UBE3C: variants seen among roughly 807,000 people sequenced by gnomAD.
UBE3C encodes ubiquitin-protein ligase E3C.
A neutral mutation model predicts 129.4 loss-of-function variants in UBE3C; 42 were observed. The observed-to-expected ratio is 0.32, with a 90% confidence interval of 0.25 to 0.42. UBE3C has a LOEUF of 0.42. Ranked by LOEUF, UBE3C falls within the 10% of genes least tolerant of loss-of-function variation. UBE3C has a pLI of 1.00. For synonymous variants in UBE3C, 510 were observed against 492.4 expected, an observed-to-expected ratio of 1.04 and a Z score of -0.47; for missense variants, 1,049 against 1,319.1, an observed-to-expected ratio of 0.80 and a Z score of 3.17.
intron 1 of UBE3C, among the ~76,000 whole-genome samples, chr7:157,163,218 T>C (rs1313969034): frequency 6.6e-6 from 1 of 151,738 alleles, no homozygotes; most frequent in African/African-American, 2.4e-5. Context: ...ACCCCGTCTC[T>C]ACTAAAAAAA....
intron 1 of UBE3C, among the ~76,000 whole-genome samples, chr7:157,162,026 C>T (rs1381642077): frequency 6.6e-6 from 1 of 151,770 alleles, no homozygotes. Flanking sequence ...GCCAAGATCG[C>T]CACTACACTC....
intron 1 of UBE3C, among the ~76,000 whole-genome samples, chr7:157,142,499 G>T (rs913996984): frequency 3.3e-5 from 5 of 152,172 alleles, no homozygotes; most frequent in Admixed American, 6.5e-5. Flanking sequence ...AAGTAGAATT[G>T]TTTGGAGCTT....
chr7:157,205,860 G>T (rs1809419267), intron 11 of UBE3C, among the ~76,000 whole-genome samples: 1 of 152,138 alleles, frequency 6.6e-6, no homozygotes, highest in Non-Finnish European at 1.5e-5. Flanking sequence ...GTTGATGATG[G>T]CAGTGCCCTC....
intron 18 of UBE3C, among the ~76,000 whole-genome samples, chr7:157,233,883 A>G (rs1796086234): frequency 6.6e-6 from 1 of 152,214 alleles, no homozygotes; most frequent in Non-Finnish European, 1.5e-5. Context: ...CTTTTTCATT[A>G]CAGCCATTCT....
intron 18 of UBE3C, among the ~76,000 whole-genome samples, chr7:157,237,863 A>G (rs554734539): frequency 6.6e-5 from 10 of 151,028 alleles, no homozygotes; most frequent in Middle Eastern, 3.4e-3. Context: ...CTAGGCATAC[A>G]TAGGGAGACC....
chr7:157,266,490 G>A (rs965162177), intron 22 of UBE3C, among the ~76,000 whole-genome samples: 8 of 152,024 alleles, frequency 5.3e-5, no homozygotes, highest in African/African-American at 1.7e-4. Flanking sequence ...TCCACTTCTC[G>A]TGAGTCATCT....
intron 1 of UBE3C, among the ~76,000 whole-genome samples, chr7:157,155,419 A>C (rs528525696): frequency 6.6e-6 from 1 of 152,154 alleles, no homozygotes; most frequent in Non-Finnish European, 1.5e-5. Context: ...AAAACCTCAC[A>C]GTTTTTTGGG....
chr7:157,220,720 A>C lies in UBE3C; in HGVS notation c.1946A>C (p.His649Pro). 3 of 1,614,128 alleles carry C rather than the reference A, an allele frequency of 1.9e-6. No individual in the cohort carries two copies. Among genetic ancestry groups the C allele is most frequent in the Non-Finnish European group, 2.5e-6 (3 of 1,179,972 alleles). Residue 649 changes from histidine to proline, a missense_variant, in exon 15 of 23, where the codon CAT becomes CCT. His to Pro is a moderately conservative substitution (Grantham distance 77). Coordinates refer to ENST00000348165, the MANE Select transcript of UBE3C (RefSeq NM_014671.3). ...VTQLYVPASRHVWRFRRMGRI... is the reference protein window; with the variant it reads ...VTQLYVPASRPVWRFRRMGRI... ...CAGCTCTATGTGCCAGCATCCAGAC[A>C]TGTGTGGAGGTTCCGGCGGATGGGG...
Position 157,248,552 on chromosome 7 carries a change from T to C in UBE3C, c.2666T>C (p.Val889Ala). The C allele has an allele frequency of 1.2e-6, 2 of 1,612,560 alleles. No individual in the cohort carries two copies. The highest frequency in any genetic ancestry group is 1.7e-6 in the Non-Finnish European group (2 of 1,180,010). ...GAGGAGCTTGGGCTGAACTTCACTGTGGTGAACAATGACCTGGGAGAGGCG... is the reference window on the plus strand; with the variant it reads ...GAGGAGCTTGGGCTGAACTTCACTGCGGTGAACAATGACCTGGGAGAGGCG... The part of the protein sequence containing the change: ...DVEELGLNFT[V>A]VNNDLGEAQV... The change falls in exon 19 of 23, where the codon GTG becomes GCG. Residue 889 changes from valine to alanine, a missense_variant. By Grantham distance (64) the Val-to-Ala change is moderately conservative. Around this residue, in one of 4 missense-constraint regions of UBE3C, gnomAD observed 243 missense variants for 368.7 expected, o/e 0.66. Coordinates refer to ENST00000348165, the MANE Select transcript of UBE3C (RefSeq NM_014671.3).
At chr7:157,183,817 G>A (rs759537194) in intron 8 of UBE3C, 61 bp from the exon 9 acceptor site, 13 of 1,552,976 alleles carry the variant, frequency 8.4e-6, no homozygotes, top group East Asian at 2.3e-5. Flanking sequence ...TGGCGTCTTC[G>A]TTTTCCATTT....
In UBE3C at chr7:157,223,303, T is replaced by C; in HGVS notation, c.2052T>C (p.Ala684=). 1.2e-6 allele frequency: 2 copies of C among 1,614,156 alleles called. No individual in the cohort carries two copies. Among genetic ancestry groups the C allele is most frequent in the Non-Finnish European group, 1.7e-6 (2 of 1,180,002 alleles). ...PLSVSEERQL[A]VLTELPFVVP... ...CTGTGTCTGAGGAAAGACAGCTTGC[T>C]GTCCTGACAGAGTTGCCTTTTGTGG... is the stretch of plus-strand genomic sequence containing the variant. The change falls in exon 16 of 23, where the codon GCT becomes GCC. Residue 684 remains alanine (A), a synonymous_variant. Coordinates refer to ENST00000348165, the MANE Select transcript of UBE3C (RefSeq NM_014671.3).
At chr7:157,217,398 T>C (rs913721519) in intron 14 of UBE3C, among the ~76,000 whole-genome samples, 2 of 151,198 alleles carry the variant, frequency 1.3e-5, no homozygotes, top group Non-Finnish European at 2.9e-5. Context: ...GTGATCTTCC[T>C]ACCTTGGCCT....
intron 10 of UBE3C, among the ~76,000 whole-genome samples, chr7:157,196,223 C>T (rs760232796): frequency 6.6e-6 from 1 of 152,194 alleles, no homozygotes; most frequent in Non-Finnish European, 1.5e-5. Context: ...TCCTATGCAA[C>T]GCTGCCGACA....
chr7:157,196,177 C>G (rs556583163), intron 10 of UBE3C, among the ~76,000 whole-genome samples: 1 of 152,280 alleles, frequency 6.6e-6, no homozygotes, highest in Non-Finnish European at 1.5e-5. Flanking sequence ...TGCGGATGTT[C>G]TCTAGAAGGT....
At chr7:157,219,266 G>A (rs1173070368) in intron 14 of UBE3C, among the ~76,000 whole-genome samples, 1 of 152,188 alleles carries the variant, frequency 6.6e-6, no homozygotes, top group African/African-American at 2.4e-5. Flanking sequence ...AATGTCAGCT[G>A]AACCCAGCAG....
chr7:157,260,665 A>G (rs1481470045), intron 22 of UBE3C, among the ~76,000 whole-genome samples: 1 of 152,240 alleles, frequency 6.6e-6, no homozygotes, highest in African/African-American at 2.4e-5. Context: ...GTTTGTTCCA[A>G]AGCTAGAGAT....
chr7:157,151,936 A>G (rs1446988864), intron 1 of UBE3C, among the ~76,000 whole-genome samples: 1 of 152,310 alleles, frequency 6.6e-6, no homozygotes, highest in East Asian at 1.9e-4. Context: ...CCTCGTACCC[A>G]GAAGTTTGTT....
chr7:157,221,052 CT>C, intron 15 of UBE3C: 1 of 323,668 alleles, frequency 3.1e-6, no homozygotes, highest in Non-Finnish European at 5.9e-6. Context: ...CTCCTGGCTC[CT>C]TTTGGTCAGC....
chr7:157,246,445 GT>G (rs1796479192), intron 18 of UBE3C, among the ~76,000 whole-genome samples: 1 of 152,198 alleles, frequency 6.6e-6, no homozygotes, highest in Non-Finnish European at 1.5e-5. Flanking sequence ...GCATGATATG[GT>G]TGGGTGATGG....
Sources: allele counts gnomAD v4.1 joint callset (sites outside exome capture counted in the v4.1 genomes callset), GRCh38; gene constraint gnomAD v4.1.1; regional missense constraint gnomAD v4.1.1; transcripts MANE v1.5; gene names NCBI Gene and HGNC (gene_info 2026-07-23, HGNC 2026-07-21).